The following MON2 variants were observed in gnomAD, a reference collection of about 807,000 sequenced individuals.
MON2 encodes the protein protein MON2 homolog.
Under a neutral mutation model 208.6 loss-of-function variants are expected in MON2, and 84 were observed. The observed-to-expected ratio is 0.40, with a 90% CI of 0.34 to 0.48. MON2 has a LOEUF of 0.48. MON2 is among the 20% of genes least tolerant of loss of function. The pLI is 0.59. For synonymous variants in MON2, 660 were observed against 694.0 expected (o/e 0.95, Z 0.77); for missense variants, 1,611 against 2,015.4 (o/e 0.80, Z 3.84).
Position 62,538,235 on chromosome 12 carries a change from A to G in MON2, c.2200-17A>G. 2 of 1,610,916 alleles carry G rather than the reference A, an allele frequency of 1.2e-6. No individual in the cohort carries two copies. Among genetic ancestry groups the G allele is most frequent in the Non-Finnish European group, 1.7e-6 (2 of 1,177,212 alleles). Reference sequence around the variant, plus strand: ...TCCCAAAGTGTCATATATTACATTTAATTTTATTCTTCTCAGGTTCTAACA... The same window carrying G: ...TCCCAAAGTGTCATATATTACATTTGATTTTATTCTTCTCAGGTTCTAACA... On this transcript the variant is annotated splice_polypyrimidine_tract_variant and intron_variant, in intron 17 of 34. Transcript: ENST00000393630.
At chr12:62,579,540 G>A (rs2136450262) in intron 31 of MON2, among the ~76,000 whole-genome samples, 1 of 150,720 alleles carries the variant, frequency 6.6e-6, no homozygotes, top group Admixed American at 6.6e-5. Flanking sequence ...TGGTTAACAT[G>A]GTGAAACCCC....
chr12:62,577,692 C>A (rs918855590), intron 30 of MON2, among the ~76,000 whole-genome samples: 1 of 152,030 alleles, frequency 6.6e-6, no homozygotes, highest in Non-Finnish European at 1.5e-5. Context: ...ATAATTACTA[C>A]ATGGAATTGC....
In MON2 at chr12:62,470,842, AAG is replaced by A. The variant is rs1183789425; in HGVS notation, c.111+3529_111+3530del. On this transcript the variant is annotated intron_variant, in intron 1 of 34. Transcript: ENST00000393630. ...GATTGGAGCCATTAGAGCTTTTTGA[AAG>A]AGAGTAATATGATCAAATTGATATT... 5 of 647,970 alleles carry A rather than the reference AAG, an allele frequency of 7.7e-6. No individual in the cohort carries two copies. In the African/African-American group the frequency reaches 9.9e-5, roughly 13 times the overall value. The allele number at this position is 647,970 out of a possible 1,614,324, so 40.1% of individuals were successfully genotyped here. A position where few individuals can be genotyped will look rare whatever the true frequency, so the allele number is the denominator to read the frequency against.
chr12:62,479,853 G>A (rs191966392), intron 1 of MON2, among the ~76,000 whole-genome samples: 204 of 152,152 alleles, frequency 1.3e-3, no homozygotes, highest in Non-Finnish European at 1.9e-3. Flanking sequence ...TAGGTTCCCT[G>A]CAGATATACG....
chr12:62,557,970 T>A (rs1221475590), intron 25 of MON2, among the ~76,000 whole-genome samples: 117 of 82,536 alleles, frequency 1.4e-3, no homozygotes, highest in Non-Finnish European at 2.0e-3. Context: ...ATATTTTTTT[T>A]TTTTTTTTTT....
In MON2 at chr12:62,595,115, T is replaced by C. The variant is rs1284172295; in HGVS notation, c.*2366T>C. On this transcript the variant is annotated 3_prime_UTR_variant, in exon 35 of 35. Transcript: ENST00000393630. ...TTTAAGCAGTAGTAAAAATGTCCTT[T>C]GTCATACTTACTAGAAATACTATGA... The C allele has an allele frequency of 6.6e-6, 1 of 152,108 alleles. No homozygotes were observed. Among genetic ancestry groups the C allele is most frequent in the Admixed American group, 6.5e-5 (1 of 15,268 alleles). The allele number at this position is 152,108 out of a possible 1,614,324, so 9.4% of individuals were successfully genotyped here.
intron 19 of MON2, among the ~76,000 whole-genome samples, chr12:62,540,598 T>C (rs1029488536): frequency 1.2e-4 from 18 of 152,052 alleles, no homozygotes; most frequent in African/African-American, 3.4e-4. Context: ...TTTCAGAGAG[T>C]GGTAGCAACA....
At chr12:62,501,884 G>A (rs1489925939) in intron 7 of MON2, among the ~76,000 whole-genome samples, 186 bp downstream of exon 7, 3 of 151,794 alleles carry the variant, frequency 2.0e-5, no homozygotes, top group East Asian at 1.9e-4. Context: ...CCAGGAGTTC[G>A]AGACCAGCCT....
chr12:62,479,843 T>C (rs188862170), intron 1 of MON2, among the ~76,000 whole-genome samples: 5 of 152,320 alleles, frequency 3.3e-5, no homozygotes, highest in African/African-American at 9.6e-5. Flanking sequence ...TACAATTTAT[T>C]AGGTTCCCTG....
At chr12:62,493,374 A>G (rs193176765) in intron 2 of MON2, among the ~76,000 whole-genome samples, 40 of 152,322 alleles carry the variant, frequency 2.6e-4, no homozygotes, top group Non-Finnish European at 5.3e-4. Flanking sequence ...GTGCTGTTTC[A>G]GTAATAAGAG....
chr12:62,598,566 G>A lies in MON2; in HGVS notation c.*5817G>A, dbSNP rs780589376. ...CTACCTCTGTGTCATAATTTAACAC[G>A]TAACATACAACTCCTGTCTCTTAAG... On this transcript the variant is annotated 3_prime_UTR_variant, in exon 35 of 35. Transcript: ENST00000393630. 2.0e-5 allele frequency: 3 copies of A among 152,072 alleles called. No individual in the cohort carries two copies. The highest frequency in any genetic ancestry group is 2.9e-5 in the Non-Finnish European group (2 of 68,002). The allele number at this position is 152,072 out of a possible 1,614,324, so 9.4% of individuals were successfully genotyped here. A position where few individuals can be genotyped will look rare whatever the true frequency, so the allele number is the denominator to read the frequency against.
intron 1 of MON2, among the ~76,000 whole-genome samples, chr12:62,476,901 T>C (rs1251277380): frequency 6.6e-6 from 1 of 152,166 alleles, no homozygotes; most frequent in African/African-American, 2.4e-5. Context: ...CTTATGCATA[T>C]AATCCTGGGA....
intron 1 of MON2, chr12:62,482,314 A>T (rs1335803593): frequency 6.6e-6 from 1 of 152,268 alleles, no homozygotes; most frequent in Non-Finnish European, 1.5e-5. Context: ...CTTGGAGCCA[A>T]CAAAATGACA....
At chr12:62,530,574 A>G (rs1236851554) in intron 11 of MON2, among the ~76,000 whole-genome samples, 7 of 152,190 alleles carry the variant, frequency 4.6e-5, no homozygotes, top group Admixed American at 4.6e-4. Flanking sequence ...GAATGTGTTC[A>G]TACTTTATTC....
intron 28 of MON2, 143 bp from the exon 29 acceptor site, chr12:62,566,179 C>CCTG: frequency 7.5e-7 from 1 of 1,330,644 alleles, no homozygotes. Flanking sequence ...AAGTACATAT[C>CCTG]TCTTTGAAAA....
At chr12:62,541,381 A>C (rs2136256553) in intron 19 of MON2, among the ~76,000 whole-genome samples, 1 of 152,090 alleles carries the variant, frequency 6.6e-6, no homozygotes, top group Middle Eastern at 3.4e-3. Flanking sequence ...TCTCAAAAAA[A>C]AAAAAAAAAA....
At chr12:62,587,392 AC>A (rs1259398671) in intron 33 of MON2, among the ~76,000 whole-genome samples, 2 of 150,622 alleles carry the variant, frequency 1.3e-5, no homozygotes, top group African/African-American at 2.4e-5. Context: ...AAAAAAAAAA[AC>A]TTGTAGAGAA....
intron 2 of MON2, among the ~76,000 whole-genome samples, chr12:62,493,452 G>A (rs2136046886): frequency 6.6e-6 from 1 of 152,212 alleles, no homozygotes; most frequent in Admixed American, 6.5e-5. Flanking sequence ...TTAAATTCAA[G>A]GCATATAATA....
chr12:62,534,193 C>A (rs1565655339), intron 12 of MON2, among the ~76,000 whole-genome samples: 2 of 151,080 alleles, frequency 1.3e-5, no homozygotes, highest in Non-Finnish European at 2.9e-5. Flanking sequence ...GAGTTTGAGT[C>A]CAGTCTGAGT....
Sources: allele counts gnomAD v4.1 joint callset (sites outside exome capture counted in the v4.1 genomes callset), GRCh38; gene constraint gnomAD v4.1.1; transcripts MANE v1.5; gene names NCBI Gene and HGNC (gene_info 2026-07-23, HGNC 2026-07-21).